Variants in SCARA3 observed in about 807,000 individuals in gnomAD.
The protein encoded by SCARA3 is cellular stress response gene protein.
In SCARA3, 39 loss-of-function variants were observed where a neutral mutation model predicts 47.0. The ratio of observed to expected loss-of-function variants is 0.83; its 90% CI spans 0.64 to 1.08. The LOEUF (loss-of-function observed/expected upper bound fraction) is 1.08, where lower values mean the gene tolerates loss of function less well. Ranked by LOEUF, SCARA3 falls within the 50% of genes least tolerant of loss-of-function variation. SCARA3 has a pLI of 0.00. For missense variants in SCARA3, 724 were observed against 792.3 expected (o/e 0.91, Z 1.04); for synonymous variants, 356 against 334.1 (o/e 1.07, Z -0.71).
downstream of SCARA3, among the ~76,000 whole-genome samples, chr8:27,677,998 A>G (rs1024444064): frequency 6.6e-6 from 1 of 152,232 alleles, no homozygotes; most frequent in Non-Finnish European, 1.5e-5. Context: ...TTTGAACTTC[A>G]TGAAAATGAA....
At chr8:27,665,237 G>C (rs1405140504) in intron 5 of SCARA3, among the ~76,000 whole-genome samples, 1 of 152,224 alleles carries the variant, frequency 6.6e-6, no homozygotes, top group Non-Finnish European at 1.5e-5. Flanking sequence ...CATCCCTCCA[G>C]GGCTCTGCTT....
intron 1 of SCARA3, among the ~76,000 whole-genome samples, chr8:27,649,203 G>C (rs1377681111): frequency 6.6e-6 from 1 of 152,158 alleles, no homozygotes; most frequent in African/African-American, 2.4e-5. Context: ...GTGTGAAGCA[G>C]GGATCTGCGC....
the SCARA3 span, among the ~76,000 whole-genome samples, chr8:27,692,863 G>T: frequency 6.6e-6 from 1 of 152,048 alleles, no homozygotes; most frequent in African/African-American, 2.4e-5. Context: ...GGTGGCTCAT[G>T]CCTGTAATCC....
chr8:27,661,632 T>C (rs1370634090), intron 5 of SCARA3, among the ~76,000 whole-genome samples: 1 of 152,170 alleles, frequency 6.6e-6, no homozygotes, highest in Non-Finnish European at 1.5e-5. Flanking sequence ...ACCATAACCA[T>C]GACAGTCCTT....
chr8:27,645,481 C>T (rs886918877), intron 1 of SCARA3, among the ~76,000 whole-genome samples: 2 of 152,226 alleles, frequency 1.3e-5, no homozygotes, highest in Non-Finnish European at 2.9e-5. Flanking sequence ...AGTTCTGAGG[C>T]GTTTCTGAGA....
At chr8:27,694,653 A>G in the SCARA3 span, among the ~76,000 whole-genome samples, 1 of 152,150 alleles carries the variant, frequency 6.6e-6, no homozygotes, top group Admixed American at 6.6e-5. Context: ...GGGAGTAAGA[A>G]GTACTCTGAT....
the SCARA3 span, among the ~76,000 whole-genome samples, chr8:27,687,570 AACAAG>A: frequency 6.6e-6 from 1 of 152,216 alleles, no homozygotes; most frequent in Non-Finnish European, 1.5e-5. Flanking sequence ...TAGAATCAAG[AACAAG>A]ACAAAAGTCT....
At chr8:27,676,627 T>A, downstream of SCARA3, 2 of 1,295,188 alleles carry the variant, frequency 1.5e-6, no homozygotes, top group Non-Finnish European at 2.2e-6. Context: ...AAGCCCAGGA[T>A]GACCAAGAAT....
At chr8:27,654,665 C>T (rs1282501942) in intron 3 of SCARA3, among the ~76,000 whole-genome samples, 4 of 151,428 alleles carry the variant, frequency 2.6e-5, no homozygotes, top group African/African-American at 9.8e-5. Context: ...CGGCACATGC[C>T]AGTAGTCCTG....
At chr8:27,644,621 GGAGAGAGAGA>G (rs71553870) in intron 1 of SCARA3, among the ~76,000 whole-genome samples, 2 of 147,178 alleles carry the variant, frequency 1.4e-5, no homozygotes, top group Non-Finnish European at 3.0e-5. Flanking sequence ...GAAAAGAAGG[GGAGAGAGAGA>G]GAGAGAGAGA....
chr8:27,678,837 T>C (rs1802315838), downstream of SCARA3, among the ~76,000 whole-genome samples: 1 of 152,194 alleles, frequency 6.6e-6, no homozygotes, highest in Admixed American at 6.5e-5. Flanking sequence ...ATATTTAAGA[T>C]GGATAATATA....
chr8:27,681,762 A>G (rs1164311324), downstream of SCARA3, among the ~76,000 whole-genome samples: 4 of 152,236 alleles, frequency 2.6e-5, no homozygotes, highest in Non-Finnish European at 4.4e-5. Context: ...AAAGTTAAAA[A>G]GCATTGCTGA....
chr8:27,660,693 T>TA (rs1554539859), intron 5 of SCARA3, among the ~76,000 whole-genome samples: 2 of 89,338 alleles, frequency 2.2e-5, no homozygotes, highest in African/African-American at 3.2e-5. Flanking sequence ...GAGTGATAGA[T>TA]GATAGATAGA....
At chr8:27,646,967 C>CA (rs1554537159) in intron 1 of SCARA3, among the ~76,000 whole-genome samples, 5 of 32,872 alleles carry the variant, frequency 1.5e-4, no homozygotes, top group Admixed American at 3.8e-4. Context: ...CCCCTGACCG[C>CA]CCCCGCCCCC....
Position 27,671,185 on chromosome 8 carries a change from C to G in SCARA3, c.1655C>G (p.Pro552Arg). The G allele has an allele frequency of 6.6e-7, 1 of 1,517,070 alleles. No homozygotes were observed. Among genetic ancestry groups the G allele is most frequent in the African/African-American group, 1.4e-5 (1 of 70,954 alleles). The allele number at this position is 1,517,070 out of a possible 1,614,324, so 94.0% of individuals were successfully genotyped here. ...GGGCCCCCAGGGCCAGAAGGGCCCC[C>G]GGGGTCTCCAGGGCCCTCAGGGCCT... is the stretch of plus-strand genomic sequence containing the variant. ...DIGPPGPEGP[P>R]GSPGPSGPQG... Residue 552 changes from proline to arginine, a missense_variant, in exon 6 of 6, where the codon CCG becomes CGG. Coordinates refer to ENST00000301904, the MANE Select transcript of SCARA3 (RefSeq NM_016240.3).
At chr8:27,726,853 T>G in the SCARA3 span, among the ~76,000 whole-genome samples, 1 of 152,064 alleles carries the variant, frequency 6.6e-6, no homozygotes, top group South Asian at 2.1e-4. Context: ...TGGTGCGATC[T>G]TGCCTCACTG....
At chr8:27,645,804 A>G (rs1801480476) in intron 1 of SCARA3, among the ~76,000 whole-genome samples, 1 of 152,330 alleles carries the variant, frequency 6.6e-6, no homozygotes, top group South Asian at 2.1e-4. Flanking sequence ...GGCCTAGTTC[A>G]AGGAGGCACT....
At chr8:27,674,823 G>T (rs1054857503), downstream of SCARA3, among the ~76,000 whole-genome samples, 5 of 150,736 alleles carry the variant, frequency 3.3e-5, no homozygotes, top group African/African-American at 4.9e-5. Context: ...CCGCCTCCTG[G>T]GTTCAAGTGA....
the SCARA3 span, among the ~76,000 whole-genome samples, chr8:27,683,267 C>A: frequency 6.6e-6 from 1 of 151,946 alleles, no homozygotes; most frequent in Non-Finnish European, 1.5e-5. Flanking sequence ...GAGATTGTAA[C>A]CTAGGGCAGA....
Sources: allele counts gnomAD v4.1 joint callset (sites outside exome capture counted in the v4.1 genomes callset), GRCh38; gene constraint gnomAD v4.1.1; transcripts MANE v1.5; gene names NCBI Gene and HGNC (gene_info 2026-07-23, HGNC 2026-07-21).